Variants in PCDHA3 observed in about 807,000 individuals in gnomAD.
The protein encoded by PCDHA3 is protocadherin alpha 3.
A neutral mutation model predicts 62.2 loss-of-function variants in PCDHA3; 41 were observed. The ratio of observed to expected loss-of-function variants is 0.66; its 90% CI spans 0.51 to 0.86. The LOEUF (loss-of-function observed/expected upper bound fraction) is 0.86, where lower values mean the gene tolerates loss of function less well. PCDHA3 is among the 40% of genes least tolerant of loss of function. The probability of loss-of-function intolerance (pLI) is 0.00; values close to 1 mark genes in which losing one functional copy is unlikely to be tolerated. For missense variants in PCDHA3, 1,304 were observed against 1,241.2 expected (o/e 1.05, Z -0.76); for synonymous variants, 640 against 555.4 (o/e 1.15, Z -2.14).
chr5:140,830,363 G>T, intron 1 of PCDHA3: 1 of 1,614,138 alleles, frequency 6.2e-7, no homozygotes, highest in Non-Finnish European at 8.5e-7. Flanking sequence ...GCGGCAGAGG[G>T]TGTGCTCCGG....
intron 1 of PCDHA3, among the ~76,000 whole-genome samples, chr5:140,954,686 G>T (rs962904413): frequency 6.6e-6 from 1 of 152,024 alleles, no homozygotes; most frequent in African/African-American, 2.4e-5. Context: ...TTGTCAGATG[G>T]ATAGACTACA....
intron 1 of PCDHA3, chr5:140,843,909 G>T: frequency 8.0e-6 from 5 of 623,976 alleles, no homozygotes; most frequent in Non-Finnish European, 1.4e-5. Context: ...CCACAAGTTG[G>T]GTCTATCTTG....
intron 1 of PCDHA3, chr5:140,842,126 C>G (rs2150329833): frequency 6.2e-7 from 1 of 1,613,822 alleles, no homozygotes; most frequent in South Asian, 1.1e-5. Context: ...TGCTTCTGAT[C>G]CGGATGAAGG....
chr5:141,005,335 G>A, intron 3 of PCDHA3, among the ~76,000 whole-genome samples: 1 of 152,148 alleles, frequency 6.6e-6, no homozygotes, highest in Middle Eastern at 3.2e-3. Context: ...ATAGGCCAAG[G>A]GGGTGCTGCT....
chr5:140,947,020 G>A (rs782772876), intron 1 of PCDHA3, among the ~76,000 whole-genome samples: 3 of 151,616 alleles, frequency 2.0e-5, no homozygotes, highest in Non-Finnish European at 4.4e-5. Flanking sequence ...AATGTTTGAG[G>A]TAATGGATAT....
intron 1 of PCDHA3, chr5:140,852,548 T>C: frequency 3.3e-6 from 2 of 614,864 alleles, no homozygotes; most frequent in South Asian, 7.0e-5. Context: ...AGTGCTGGGA[T>C]TAAAGCTGTG....
intron 1 of PCDHA3, among the ~76,000 whole-genome samples, chr5:140,905,939 T>A (rs1583575409): frequency 6.6e-6 from 1 of 152,288 alleles, no homozygotes; most frequent in African/African-American, 2.4e-5. Context: ...GCTGAAGAAC[T>A]TGGAATCCGA....
At chr5:140,968,569 C>A in intron 1 of PCDHA3, 1 of 1,614,204 alleles carries the variant, frequency 6.2e-7, no homozygotes, top group Middle Eastern at 1.7e-4. Flanking sequence ...CCCCTGCTGG[C>A]TACCTGGTCA....
At chr5:140,900,924 A>C (rs553059638) in intron 1 of PCDHA3, among the ~76,000 whole-genome samples, 1 of 152,216 alleles carries the variant, frequency 6.6e-6, no homozygotes, top group South Asian at 2.1e-4. Flanking sequence ...ATGATATCTC[A>C]TTGTAGTTTT....
intron 1 of PCDHA3, among the ~76,000 whole-genome samples, chr5:140,938,340 T>A (rs1210571018): frequency 6.6e-6 from 1 of 152,224 alleles, no homozygotes; most frequent in Non-Finnish European, 1.5e-5. Flanking sequence ...TAATGGATAA[T>A]CTTGTCTTAT....
chr5:140,942,808 C>T (rs1175421349), intron 1 of PCDHA3, among the ~76,000 whole-genome samples: 1 of 151,920 alleles, frequency 6.6e-6, no homozygotes, highest in East Asian at 1.9e-4. Context: ...TTTCCACAAA[C>T]TAGTTGGATT....
chr5:140,856,078 C>G, intron 1 of PCDHA3: 18 of 1,594,016 alleles, frequency 1.1e-5, no homozygotes, highest in Non-Finnish European at 1.5e-5. Context: ...GCCTGGGGGT[C>G]CAGTGTCTGC....
intron 1 of PCDHA3, among the ~76,000 whole-genome samples, chr5:140,974,980 G>C (rs149148015): frequency 6.6e-6 from 1 of 152,090 alleles, no homozygotes; most frequent in African/African-American, 2.4e-5. Flanking sequence ...TGAGTTGTCC[G>C]CTCAGGTATT....
At chr5:140,870,952 T>G in intron 1 of PCDHA3, 4 of 1,613,610 alleles carry the variant, frequency 2.5e-6, no homozygotes, top group Non-Finnish European at 3.4e-6. Flanking sequence ...GGCGGGCGGC[T>G]CGCGCATCCC....
intron 1 of PCDHA3, chr5:140,843,224 C>A: frequency 6.3e-7 from 1 of 1,596,086 alleles, no homozygotes; most frequent in Non-Finnish European, 8.6e-7. Context: ...CAGCACCACT[C>A]GTGTCCTGGA....
intron 1 of PCDHA3, chr5:140,830,304 C>T (rs2150184699): frequency 6.3e-5 from 101 of 1,613,824 alleles, no homozygotes; most frequent in Non-Finnish European, 8.1e-5. Context: ...GACAAGCCCA[C>T]GCTGGTGTGC....
chr5:140,929,713 G>A (rs1328262633), intron 1 of PCDHA3: 3 of 235,294 alleles, frequency 1.3e-5, no homozygotes, highest in Non-Finnish European at 2.6e-5. Flanking sequence ...TAATATGGAA[G>A]GTGAAACATT....
At chr5:140,841,446 G>A (rs2150180701) in intron 1 of PCDHA3, 1 of 1,612,928 alleles carries the variant, frequency 6.2e-7, no homozygotes, top group Non-Finnish European at 8.5e-7. Context: ...GCCAAACACG[G>A]CACCTTCGTG....
rs2098422397 is a variant in PCDHA3 at position 141,011,934 on chromosome 5, T to C, written c.*1997T>C. The C allele has an allele frequency of 6.5e-6, 1 of 153,836 alleles. No homozygotes were observed. The highest frequency in any genetic ancestry group is 6.5e-5 in the Admixed American group (1 of 15,306). The allele number at this position is 153,836 out of a possible 1,614,324, so 9.5% of individuals were successfully genotyped here. On this transcript the variant is annotated 3_prime_UTR_variant, in exon 4 of 4. Transcript: ENST00000522353. ...TAATATAAAAGAGGTAGGAGTCTGT[T>C]ATTTAAAAAAAGCATTAAATTTAAA...
Sources: allele counts gnomAD v4.1 joint callset (sites outside exome capture counted in the v4.1 genomes callset), GRCh38; gene constraint gnomAD v4.1.1; transcripts MANE v1.5; gene names NCBI Gene and HGNC (gene_info 2026-07-23, HGNC 2026-07-21).